REM1: variants seen among roughly 807,000 people sequenced by gnomAD.
REM1 encodes the protein GTP-binding protein REM 1.
A neutral mutation model predicts 27.0 loss-of-function variants in REM1; 20 were observed. That is an observed-to-expected ratio of 0.74 (90% CI 0.52 to 1.08). The LOEUF is 1.08. Among genes scored for constraint, REM1 ranks in the 50% least tolerant of loss-of-function variants. The probability of loss-of-function intolerance (pLI) is 0.00; values close to 1 mark genes in which losing one functional copy is unlikely to be tolerated. For missense variants in REM1, 405 were observed against 407.0 expected (o/e 1.00, Z 0.04); for synonymous variants, 159 against 167.9 (o/e 0.95, Z 0.41).
Position 31,476,296 on chromosome 20 carries a change from C to A in REM1, c.-150C>A. On this transcript the variant is annotated 5_prime_UTR_variant, in exon 2 of 5. Transcript: ENST00000201979. ...CCAAGAAGCTGAGGCACCTCCTACT[C>A]CCATCTGAACAAGAGGGGGATCTGG... The A allele has an allele frequency of 1.5e-6, 1 of 663,296 alleles. No homozygotes were observed. Among genetic ancestry groups the A allele is most frequent in the Non-Finnish European group, 2.6e-6 (1 of 386,166 alleles). 41.1% of individuals were successfully genotyped at this position (663,296 alleles called of 1,614,324 possible).
chr20:31,478,008 C>G, intron 3 of REM1, 98 bp downstream of exon 3: 1 of 748,028 alleles, frequency 1.3e-6, no homozygotes, highest in Non-Finnish European at 2.3e-6. Flanking sequence ...CAGGTGTGAG[C>G]AACGGCCATC....
rs753706677 is a variant in REM1, at chr20:31,477,804, A to G, written c.341-24A>G. 4 of 1,601,020 alleles carry G rather than the reference A, an allele frequency of 2.5e-6. No homozygotes were observed. The South Asian group carries it at 4.5e-5, about 18-fold the overall frequency. ...CTCAGGCTTGCCCGTCCTCCCTGAG[A>G]TCCAGCTCTTCCCTCGGTTGCAGAA... On this transcript the variant is annotated intron_variant, in intron 2 of 4. Transcript: ENST00000201979.
chr20:31,484,799 GTCTCC>G lies in REM1; in HGVS notation c.*370_*374del. The G allele has an allele frequency of 1.4e-5, 3 of 216,090 alleles. No individual in the cohort carries two copies. Among genetic ancestry groups the G allele is most frequent in the South Asian group, 1.6e-4 (1 of 6,408 alleles). 13.4% of individuals were successfully genotyped at this position (216,090 alleles called of 1,614,324 possible). A position where few individuals can be genotyped will look rare whatever the true frequency, so the allele number is the denominator to read the frequency against. ...CCTCTCCATCTCGGCTCTTCCAGGC[GTCTCC>G]ACCTACTGCCCTCCCATCTACACTT... On this transcript the variant is annotated 3_prime_UTR_variant, in exon 5 of 5. Coordinates refer to ENST00000201979, the MANE Select transcript of REM1 (RefSeq NM_014012.6).
At position 31,484,155 on chromosome 20, in the gene REM1, T is replaced by G; in HGVS notation, c.626-4T>G. ...CCCCTCCTCGCCGGGCCCCGCCCCC[T>G]TAGAGGGCCGCGCCTGCGCTGTGGT... On this transcript the variant is annotated splice_region_variant and splice_polypyrimidine_tract_variant and intron_variant, in intron 4 of 4. Transcript: ENST00000201979. The G allele has an allele frequency of 1.3e-6, 2 of 1,574,698 alleles. No homozygotes were observed.
At chr20:31,479,602 C>T (rs557855998) in intron 3 of REM1, among the ~76,000 whole-genome samples, 2 of 152,240 alleles carry the variant, frequency 1.3e-5, no homozygotes, top group African/African-American at 4.8e-5. Context: ...TTTCCCTGAT[C>T]GGTGACTGTG....
At position 31,477,825 on chromosome 20, in the gene REM1, C is replaced by T. The variant is rs1980572410; in HGVS notation, c.341-3C>T. ...TGAGATCCAGCTCTTCCCTCGGTTG[C>T]AGAAGATGTATATGAGAGGACCCTC... On this transcript the variant is annotated splice_region_variant and splice_polypyrimidine_tract_variant and intron_variant, in intron 2 of 4. Coordinates refer to ENST00000201979, the MANE Select transcript of REM1 (RefSeq NM_014012.6). 6.2e-7 allele frequency: 1 copy of T among 1,611,188 alleles called. No homozygotes were observed. The highest frequency in any genetic ancestry group is 8.5e-7 in the Non-Finnish European group (1 of 1,178,674).
intron 4 of REM1, 24 bp downstream of exon 4, chr20:31,482,512 C>G: frequency 1.2e-6 from 2 of 1,607,822 alleles, no homozygotes; most frequent in Non-Finnish European, 1.7e-6. Context: ...CCCACCACCT[C>G]CTCTTCACCT....
intron 4 of REM1, among the ~76,000 whole-genome samples, chr20:31,483,290 A>C (rs1980796363): frequency 6.6e-6 from 1 of 152,086 alleles, no homozygotes; most frequent in African/African-American, 2.4e-5. Flanking sequence ...ACAGAATGAG[A>C]CTCTGTCTCA....
intron 4 of REM1, 152 bp downstream of exon 4, chr20:31,482,640 TC>T: frequency 1.4e-6 from 1 of 719,364 alleles, no homozygotes; most frequent in Non-Finnish European, 2.3e-6. Flanking sequence ...CATTCTTGCC[TC>T]CCACTCATCA....
At chr20:31,483,774 CA>C (rs549633656) in intron 4 of REM1, among the ~76,000 whole-genome samples, 3,291 of 102,476 alleles carry the variant, frequency 0.032, 41 homozygotes, top group East Asian at 0.044. Context: ...AACAGACATC[CA>C]AAAAAAAAAA....
chr20:31,482,192 A>G, intron 3 of REM1, 95 bp from the exon 4 acceptor site: 1 of 1,133,156 alleles, frequency 8.8e-7, no homozygotes, highest in Non-Finnish European at 1.3e-6. Context: ...ATAAACCTCA[A>G]GCTGCATCCC....
chr20:31,484,886 T>C lies in REM1; in HGVS notation c.*456T>C, dbSNP rs1403847040. ...GCGTCAGGGCGCATCAATAAAGTAC[T>C]TGGACCAGTTTTGTGCTCAGGCCCT... On this transcript the variant is annotated 3_prime_UTR_variant, in exon 5 of 5. Coordinates refer to ENST00000201979, the MANE Select transcript of REM1 (RefSeq NM_014012.6). The C allele has an allele frequency of 6.2e-6, 1 of 161,908 alleles. No individual in the cohort carries two copies. The highest frequency in any genetic ancestry group is 1.3e-5 in the Non-Finnish European group (1 of 74,710). 10.0% of individuals were successfully genotyped at this position (161,908 alleles called of 1,614,324 possible). A position where few individuals can be genotyped will look rare whatever the true frequency, so the allele number is the denominator to read the frequency against.
rs769032129 is a variant in REM1 at position 31,476,487 on chromosome 20, C to T, written c.42C>T (p.His14=). 1.2e-6 allele frequency: 2 copies of T among 1,611,562 alleles called. No individual in the cohort carries two copies. The highest frequency in any genetic ancestry group is 1.7e-6 in the Non-Finnish European group (2 of 1,178,768). The change falls in exon 2 of 5, where the codon CAC becomes CAT. Residue 14 remains histidine, a synonymous_variant. Coordinates refer to ENST00000201979, the MANE Select transcript of REM1 (RefSeq NM_014012.6). The stretch of plus-strand genomic sequence containing the variant: ...AGCAGGAAGCAAAGACCCCTCTGCA[C>T]CGGCGAGCCAGCACCCCACTGCCCC... ...NTEQEAKTPL[H]RRASTPLPLS... is the part of the protein sequence containing the mutation.
At chr20:31,479,957 T>C (rs1364038432) in intron 3 of REM1, among the ~76,000 whole-genome samples, 3 of 152,004 alleles carry the variant, frequency 2.0e-5, no homozygotes, top group Non-Finnish European at 4.4e-5. Context: ...GGTGTGGTGG[T>C]GCATGCCTGT....
rs1235430008 is a variant in REM1 at position 31,475,840 on chromosome 20, G to A, written c.-219-387G>A. On this transcript the variant is annotated intron_variant, in intron 1 of 4. Coordinates refer to ENST00000201979, the MANE Select transcript of REM1 (RefSeq NM_014012.6). The surrounding 1 kb of genome is among the most constrained non-coding windows in gnomAD (Gnocchi z 5.0). ...GTCGGGTTACCCCCATACCCCCCTC[G>A]CGCTTCTGGAGTGCCAACCCGCCCT... 1.3e-5 allele frequency among the ~76,000 whole-genome samples: 2 copies of A among 152,136 alleles called. No homozygotes were observed. Among genetic ancestry groups the A allele is most frequent in the Admixed American group, 6.5e-5 (1 of 15,276 alleles).
intron 3 of REM1, among the ~76,000 whole-genome samples, chr20:31,478,923 C>T (rs1568762223): frequency 6.6e-6 from 1 of 152,036 alleles, no homozygotes; most frequent in Admixed American, 6.5e-5. Flanking sequence ...CAACCTCCGC[C>T]TCCCAGGTTC....
rs530421491 is a variant in REM1, at chr20:31,484,439, G to T, written c.*9G>T. ...ATCTGGCCGTGCTCTGAAGCCCCCC[G>T]CCCTTCTGAGAGTTGGCGGGTCACT... On this transcript the variant is annotated 3_prime_UTR_variant, in exon 5 of 5. Transcript: ENST00000201979. The T allele has an allele frequency of 2.7e-6, 4 of 1,475,644 alleles. No homozygotes were observed. In the African/African-American group the frequency reaches 4.3e-5, roughly 16 times the overall value. 91.4% of individuals were successfully genotyped at this position (1,475,644 alleles called of 1,614,324 possible). A position where few individuals can be genotyped will look rare whatever the true frequency, so the allele number is the denominator to read the frequency against.
Position 31,476,667 on chromosome 20 carries a change from A to G in REM1, c.222A>G (p.Glu74=). 2 of 1,614,062 alleles carry G rather than the reference A, an allele frequency of 1.2e-6. No individual in the cohort carries two copies. Among genetic ancestry groups the G allele is most frequent in the Non-Finnish European group, 8.5e-7 (1 of 1,179,992 alleles). ...GGTCTTCTGAATCCAGCGACTCTGA[A>G]GGCTCCTGGGAGGCTCTCTACCGTG... is the stretch of plus-strand genomic sequence containing the variant. ...DDWSSESSDS[E]GSWEALYRVV... Residue 74 remains glutamate (E), a synonymous_variant, in exon 2 of 5, where the codon GAA becomes GAG. Coordinates refer to ENST00000201979, the MANE Select transcript of REM1 (RefSeq NM_014012.6).
chr20:31,483,774 CAAAAA>C (rs549633656), intron 4 of REM1, among the ~76,000 whole-genome samples: 1 of 102,528 alleles, frequency 9.8e-6, no homozygotes, highest in African/African-American at 3.0e-5. Flanking sequence ...AACAGACATC[CAAAAA>C]AAAAAAAAAA....
Sources: allele counts gnomAD v4.1 joint callset (sites outside exome capture counted in the v4.1 genomes callset), GRCh38; gene constraint gnomAD v4.1.1; non-coding constraint Gnocchi (gnomAD v3.1); transcripts MANE v1.5; gene names NCBI Gene and HGNC (gene_info 2026-07-23, HGNC 2026-07-21).